Variants in GPR158 observed in about 807,000 individuals in gnomAD.
The protein encoded by GPR158 is G protein-coupled receptor 158.
In GPR158, 30 loss-of-function variants were observed where a neutral mutation model predicts 78.2. That is an observed-to-expected ratio of 0.38 (90% confidence interval 0.29 to 0.52). The LOEUF (loss-of-function observed/expected upper bound fraction) is 0.52. Ranked by LOEUF, GPR158 falls within the 20% of genes least tolerant of loss-of-function variation. The pLI, the probability that GPR158 is intolerant of heterozygous loss-of-function variation, is 0.83. For missense variants in GPR158, 1,463 were observed against 1,523.5 expected (o/e 0.96, Z 0.66); for synonymous variants, 581 against 591.1 (o/e 0.98, Z 0.25).
intron 2 of GPR158, among the ~76,000 whole-genome samples, chr10:25,345,738 TC>T (rs1329479176): frequency 6.6e-6 from 1 of 151,944 alleles, no homozygotes; most frequent in Non-Finnish European, 1.5e-5. Context: ...ATGGACGATG[TC>T]TTAATAAGGG....
intron 2 of GPR158, among the ~76,000 whole-genome samples, chr10:25,257,002 A>G (rs552834064): frequency 6.6e-6 from 1 of 152,342 alleles, no homozygotes; most frequent in South Asian, 2.1e-4. Flanking sequence ...TTCTTAGCAT[A>G]TATGTCTTAG....
intron 4 of GPR158, among the ~76,000 whole-genome samples, chr10:25,441,119 G>C (rs911792683): frequency 1.3e-5 from 2 of 152,162 alleles, no homozygotes; most frequent in Non-Finnish European, 2.9e-5. Context: ...GGGGTTATGA[G>C]CATCCATATT....
chr10:25,575,651 T>A (rs1477138106), intron 7 of GPR158, among the ~76,000 whole-genome samples: 1 of 152,094 alleles, frequency 6.6e-6, no homozygotes, highest in Non-Finnish European at 1.5e-5. Flanking sequence ...AAATAACTAA[T>A]CTCAATAGTG....
At chr10:25,383,012 T>C (rs1834176629) in intron 2 of GPR158, among the ~76,000 whole-genome samples, 1 of 151,964 alleles carries the variant, frequency 6.6e-6, no homozygotes, top group African/African-American at 2.4e-5. Flanking sequence ...ATTTTTGGTA[T>C]TTTTAGTAGA....
intron 2 of GPR158, among the ~76,000 whole-genome samples, chr10:25,270,700 T>C (rs548068223): frequency 6.6e-6 from 1 of 150,994 alleles, no homozygotes; most frequent in East Asian, 1.9e-4. Context: ...TTACATCTCC[T>C]TCTTCCTCAT....
intron 5 of GPR158, among the ~76,000 whole-genome samples, chr10:25,536,926 A>G (rs1377521499): frequency 2.6e-5 from 4 of 152,176 alleles, no homozygotes; most frequent in Non-Finnish European, 5.9e-5. Context: ...CATTTTGGCA[A>G]GCTCTCCAGA....
chr10:25,359,988 T>C (rs1460823540), intron 2 of GPR158, among the ~76,000 whole-genome samples: 1 of 152,220 alleles, frequency 6.6e-6, no homozygotes, highest in Non-Finnish European at 1.5e-5. Flanking sequence ...ATGGTGGTTT[T>C]GATTTGCATT....
chr10:25,522,835 T>G (rs10828815), intron 5 of GPR158, among the ~76,000 whole-genome samples: 1 of 152,040 alleles, frequency 6.6e-6, no homozygotes, highest in African/African-American at 2.4e-5. Context: ...GGTAAAGTTT[T>G]CAGTTTTTTA....
intron 2 of GPR158, among the ~76,000 whole-genome samples, chr10:25,290,120 G>A (rs1028907404): frequency 2.6e-5 from 4 of 152,164 alleles, no homozygotes; most frequent in Non-Finnish European, 5.9e-5. Flanking sequence ...GGATTGACTA[G>A]CATTATAGTT....
At chr10:25,255,680 A>G (rs1293189897) in intron 2 of GPR158, among the ~76,000 whole-genome samples, 1 of 152,234 alleles carries the variant, frequency 6.6e-6, no homozygotes, top group African/African-American at 2.4e-5. Context: ...TTTCTCTCAC[A>G]GCCTGGATGG....
intron 2 of GPR158, among the ~76,000 whole-genome samples, chr10:25,260,519 T>A (rs890940879): frequency 6.6e-5 from 10 of 152,064 alleles, no homozygotes; most frequent in Non-Finnish European, 1.2e-4. Flanking sequence ...TTTTTTTTTT[T>A]AACTTTTCTT....
chr10:25,439,456 C>T (rs1298228645), intron 4 of GPR158, among the ~76,000 whole-genome samples: 1 of 152,092 alleles, frequency 6.6e-6, no homozygotes. Flanking sequence ...GGACACAGAG[C>T]CAAACCACAT....
At chr10:25,200,783 C>T (rs756603546) in intron 1 of GPR158, among the ~76,000 whole-genome samples, 33 of 151,270 alleles carry the variant, frequency 2.2e-4, no homozygotes, top group Admixed American at 1.3e-4. Flanking sequence ...TTGCTTTTGT[C>T]AAAGATCAGA....
chr10:25,521,224 C>A (rs149267294), intron 5 of GPR158, among the ~76,000 whole-genome samples: 2,841 of 152,302 alleles, frequency 0.019, 88 homozygotes, highest in African/African-American at 0.065. Flanking sequence ...TGCTTCGGCT[C>A]GCGCACGGTG....
At chr10:25,390,187 G>A (rs1834275138) in intron 2 of GPR158, among the ~76,000 whole-genome samples, 1 of 152,084 alleles carries the variant, frequency 6.6e-6, no homozygotes, top group Non-Finnish European at 1.5e-5. Context: ...AGCAGCTTGA[G>A]AACAGACTAA....
At chr10:25,503,356 C>A (rs371819784) in intron 5 of GPR158, among the ~76,000 whole-genome samples, 2 of 151,576 alleles carry the variant, frequency 1.3e-5, no homozygotes, top group African/African-American at 4.9e-5. Flanking sequence ...CTATCTGGGA[C>A]AAAAAAATAA....
chr10:25,500,589 A>G (rs1056355626), intron 5 of GPR158, among the ~76,000 whole-genome samples: 7 of 152,360 alleles, frequency 4.6e-5, no homozygotes, highest in African/African-American at 1.7e-4. Flanking sequence ...GAGATGATCA[A>G]TCTTCACTAA....
At chr10:25,238,672 A>T (rs1008420213) in intron 2 of GPR158, among the ~76,000 whole-genome samples, 2 of 152,196 alleles carry the variant, frequency 1.3e-5, no homozygotes, top group African/African-American at 4.8e-5. Context: ...TTAAAATGGT[A>T]TGTAGGACTT....
At chr10:25,338,490 A>AT (rs1364063244) in intron 2 of GPR158, among the ~76,000 whole-genome samples, 29 of 131,160 alleles carry the variant, frequency 2.2e-4, no homozygotes, top group African/African-American at 8.8e-4. Context: ...ATATACGTAT[A>AT]ATATACGTAT....
Sources: allele counts gnomAD v4.1 joint callset (sites outside exome capture counted in the v4.1 genomes callset), GRCh38; gene constraint gnomAD v4.1.1; transcripts MANE v1.5; gene names NCBI Gene and HGNC (gene_info 2026-07-23, HGNC 2026-07-21).